The following ZNF618 variants were observed in gnomAD, a reference collection of about 807,000 sequenced individuals.
ZNF618 encodes the protein zinc finger protein 618.
A neutral mutation model predicts 103.0 loss-of-function variants in ZNF618; 34 were observed. The ratio of observed to expected loss-of-function variants is 0.33; its 90% confidence interval spans 0.25 to 0.44. The LOEUF (loss-of-function observed/expected upper bound fraction) is 0.44, where lower values mean the gene tolerates loss of function less well. Among genes scored for constraint, ZNF618 ranks in the 20% least tolerant of loss-of-function variants. The pLI, the probability that ZNF618 is intolerant of heterozygous loss-of-function variation, is 1.00. For missense variants in ZNF618, 1,059 were observed against 1,295.4 expected, an observed-to-expected ratio of 0.82 and a Z score of 2.80; for synonymous variants, 551 against 542.2, an observed-to-expected ratio of 1.02 and a Z score of -0.23.
At chr9:113,956,209 C>CAAAAAAAAAAAAAAAAAAAA (rs10537910) in intron 1 of ZNF618, among the ~76,000 whole-genome samples, 1 of 44,532 alleles carries the variant, frequency 2.2e-5, no homozygotes, top group African/African-American at 1.0e-4. Flanking sequence ...AACTCTGTCT[C>CAAAAAAAAAAAAAAAAAAAA]AAAAAAAAAA....
intron 13 of ZNF618, among the ~76,000 whole-genome samples, chr9:114,047,320 C>T (rs1330137122): frequency 6.6e-6 from 1 of 152,198 alleles, no homozygotes; most frequent in Non-Finnish European, 1.5e-5. Context: ...TTTCTTATAT[C>T]CGAGCTTCAG....
At chr9:113,944,560 G>A (rs1834840197) in intron 1 of ZNF618, among the ~76,000 whole-genome samples, 2 of 152,170 alleles carry the variant, frequency 1.3e-5, no homozygotes, top group Non-Finnish European at 2.9e-5. Context: ...TTACAGGCAT[G>A]AGCCACTGTG....
At chr9:113,901,530 C>T (rs1046507758) in intron 1 of ZNF618, among the ~76,000 whole-genome samples, 1 of 152,256 alleles carries the variant, frequency 6.6e-6, no homozygotes, top group Admixed American at 6.5e-5. Context: ...TTAGCTGATA[C>T]ATCAGCGCCC....
At chr9:113,894,084 AT>A (rs528057445) in intron 1 of ZNF618, among the ~76,000 whole-genome samples, 91 of 152,254 alleles carry the variant, frequency 6.0e-4, no homozygotes, top group Non-Finnish European at 6.3e-4. Context: ...TCCTTGCATT[AT>A]TTTTTTATAC....
At chr9:113,914,730 G>A (rs2131521879) in intron 1 of ZNF618, among the ~76,000 whole-genome samples, 1 of 152,300 alleles carries the variant, frequency 6.6e-6, no homozygotes, top group African/African-American at 2.4e-5. Flanking sequence ...AGAGAGGGCT[G>A]GGTAGGGGAA....
chr9:113,972,645 T>C (rs541566179), intron 2 of ZNF618, among the ~76,000 whole-genome samples: 1 of 152,204 alleles, frequency 6.6e-6, no homozygotes, highest in Admixed American at 6.5e-5. Context: ...GGTGGGACTC[T>C]GGAGGAGCTC....
chr9:114,025,911 G>A (rs1039323035), intron 10 of ZNF618, among the ~76,000 whole-genome samples: 1 of 152,270 alleles, frequency 6.6e-6, no homozygotes, highest in African/African-American at 2.4e-5. Flanking sequence ...TTCAGGGAAC[G>A]TGCCAAACAC....
At chr9:113,991,859 G>T (rs917795851) in intron 3 of ZNF618, among the ~76,000 whole-genome samples, 1 of 152,194 alleles carries the variant, frequency 6.6e-6, no homozygotes, top group African/African-American at 2.4e-5. Context: ...AGAAGCCCCA[G>T]TGACAAGGGA....
intron 1 of ZNF618, among the ~76,000 whole-genome samples, chr9:113,965,365 A>G (rs1837300910): frequency 1.3e-5 from 2 of 152,262 alleles, no homozygotes; most frequent in South Asian, 4.1e-4. Context: ...ATGGAAAAGA[A>G]CAACTTCACA....
intron 10 of ZNF618, among the ~76,000 whole-genome samples, chr9:114,022,638 A>G (rs1843172558): frequency 1.4e-5 from 2 of 139,474 alleles, no homozygotes; most frequent in South Asian, 4.6e-4. Flanking sequence ...TCGTATTGTC[A>G]GTTAGGCCAA....
At chr9:114,047,448 T>C (rs1300425648) in intron 13 of ZNF618, among the ~76,000 whole-genome samples, 4 of 152,324 alleles carry the variant, frequency 2.6e-5, no homozygotes, top group South Asian at 4.1e-4. Flanking sequence ...AATGCAAACT[T>C]TGCGAAAGTG....
chr9:114,038,866 C>A (rs986125029), intron 13 of ZNF618, among the ~76,000 whole-genome samples: 2 of 152,316 alleles, frequency 1.3e-5, no homozygotes, highest in South Asian at 2.1e-4. Context: ...AGTTGCACAG[C>A]TCCTAAAAAA....
Position 113,932,460 on chromosome 9 carries a change from G to A in ZNF618, c.34-36657G>A, listed in dbSNP as rs1833677193. Among the ~76,000 whole-genome samples, 2 of 152,272 alleles carry A rather than the reference G, an allele frequency of 1.3e-5. 1 individual carries two copies. The highest frequency in any genetic ancestry group is 6.8e-3 in the Middle Eastern group (2 of 294). ...CAGGATCCAATTTACATTTTAAGAG[G>A]ATCCCCTGGCTGCTATGAGGGAAAG... On this transcript the variant is annotated intron_variant, in intron 1 of 14. Coordinates refer to ENST00000374126, the MANE Select transcript of ZNF618 (RefSeq NM_001318042.2).
rs1428090883 is a variant in ZNF618, at chr9:113,924,075, G to C, written c.34-45042G>C. Among the ~76,000 whole-genome samples the C allele has an allele frequency of 2.6e-5, 4 of 152,008 alleles. No individual in the cohort carries two copies. In the East Asian group the frequency reaches 7.7e-4, roughly 29 times the overall value. On this transcript the variant is annotated intron_variant, in intron 1 of 14. Transcript: ENST00000374126. ...AGTTTTCTCTCTGCTTCTACTTCAT[G>C]GAAGAGATTGTAGAGAATTGGTATC...
At chr9:114,040,795 G>A (rs1845099738) in intron 13 of ZNF618, among the ~76,000 whole-genome samples, 1 of 152,204 alleles carries the variant, frequency 6.6e-6, no homozygotes, top group Non-Finnish European at 1.5e-5. Flanking sequence ...AAACATACGT[G>A]TGCATGTGTC....
intron 11 of ZNF618, among the ~76,000 whole-genome samples, 194 bp downstream of exon 11, chr9:114,029,166 G>T (rs1843777239): frequency 6.6e-6 from 1 of 152,104 alleles, no homozygotes; most frequent in South Asian, 2.1e-4. Flanking sequence ...ACATTTCTGA[G>T]CCAAGTCTTC....
chr9:113,896,637 T>C (rs1189414295), intron 1 of ZNF618, among the ~76,000 whole-genome samples: 3 of 152,032 alleles, frequency 2.0e-5, no homozygotes, highest in Non-Finnish European at 1.5e-5. Flanking sequence ...ATTAATTGTA[T>C]TTTTCAGATT....
intron 1 of ZNF618, among the ~76,000 whole-genome samples, chr9:113,900,469 C>G (rs35075864): frequency 0.056 from 8,514 of 152,210 alleles, 721 homozygotes; most frequent in East Asian, 0.3. Flanking sequence ...CTTCATCTTA[C>G]AGATGAGTAA....
chr9:113,878,121 A>C (rs1433652313), intron 1 of ZNF618, among the ~76,000 whole-genome samples: 2 of 152,128 alleles, frequency 1.3e-5, no homozygotes, highest in East Asian at 3.9e-4. Flanking sequence ...TATTTTTCAA[A>C]AACCTGATTA....
Sources: allele counts gnomAD v4.1 joint callset (sites outside exome capture counted in the v4.1 genomes callset), GRCh38; gene constraint gnomAD v4.1.1; transcripts MANE v1.5; gene names NCBI Gene and HGNC (gene_info 2026-07-23, HGNC 2026-07-21).